The following SLC25A18 variants were observed in gnomAD, a reference collection of about 807,000 sequenced individuals.
SLC25A18 encodes solute carrier family 25 member 18.
A neutral mutation model predicts 31.1 loss-of-function variants in SLC25A18; 24 were observed. The observed-to-expected ratio is 0.77, with a 90% CI of 0.56 to 1.08. The LOEUF (loss-of-function observed/expected upper bound fraction) is 1.08. Ranked by LOEUF, SLC25A18 falls within the 50% of genes least tolerant of loss-of-function variation. SLC25A18 has a pLI of 0.00. For missense variants in SLC25A18, 371 were observed against 418.5 expected (o/e 0.89, Z 0.99); for synonymous variants, 173 against 161.9 (o/e 1.07, Z -0.52).
At chr22:17,587,734 G>A (rs544450003) in intron 8 of SLC25A18, 191 bp from the exon 9 acceptor site, 37 of 658,272 alleles carry the variant, frequency 5.6e-5, no homozygotes, top group South Asian at 1.8e-4. Flanking sequence ...CTGGGACGGC[G>A]GAACAGATGG....
intron 4 of SLC25A18, 85 bp downstream of exon 4, chr22:17,581,244 C>A (rs1007650358): frequency 6.3e-7 from 1 of 1,576,412 alleles, no homozygotes; most frequent in African/African-American, 1.3e-5. Flanking sequence ...AGGCAGCGCG[C>A]GTGAGCCTGG....
chr22:17,584,781 C>CA (rs66948770), intron 7 of SLC25A18, among the ~76,000 whole-genome samples: 6,865 of 19,874 alleles, frequency 0.35, 1,645 homozygotes, highest in Non-Finnish European at 0.44. Flanking sequence ...GAATTCATCT[C>CA]AAAAAAAAAA....
At chr22:17,573,956 A>G (rs767432882) in intron 2 of SLC25A18, among the ~76,000 whole-genome samples, 13 of 152,192 alleles carry the variant, frequency 8.5e-5, no homozygotes, top group Non-Finnish European at 1.8e-4. Context: ...AAAAGCATTC[A>G]GTGTGGCTCA....
At chr22:17,578,826 G>T (rs1448864991) in intron 2 of SLC25A18, among the ~76,000 whole-genome samples, 1 of 152,188 alleles carries the variant, frequency 6.6e-6, no homozygotes, top group East Asian at 1.9e-4. Flanking sequence ...TGTGAACCTG[G>T]GAGGCAGAGG....
intron 2 of SLC25A18, among the ~76,000 whole-genome samples, chr22:17,577,810 A>G (rs1432592012): frequency 6.7e-6 from 1 of 149,282 alleles, no homozygotes; most frequent in African/African-American, 2.5e-5. Context: ...CGAACTCCTG[A>G]CCTTGTGATC....
At chr22:17,569,047 T>C (rs2057018468) in intron 1 of SLC25A18, among the ~76,000 whole-genome samples, 2 of 149,746 alleles carry the variant, frequency 1.3e-5, no homozygotes, top group Admixed American at 6.7e-5. Flanking sequence ...GCCCAGCCTG[T>C]AGCCAGGCTG....
At chr22:17,575,149 G>A (rs942925995) in intron 2 of SLC25A18, among the ~76,000 whole-genome samples, 2 of 152,032 alleles carry the variant, frequency 1.3e-5, no homozygotes, top group Admixed American at 1.3e-4. Flanking sequence ...ACTGTGCCCC[G>A]TGCTCTCTTA....
chr22:17,589,756 G>C, intron 10 of SLC25A18, 91 bp downstream of exon 10: 4 of 1,226,358 alleles, frequency 3.3e-6, no homozygotes, highest in Non-Finnish European at 4.8e-6. Flanking sequence ...AACTTGAATT[G>C]CTGGGCTCTG....
chr22:17,587,304 G>A lies in SLC25A18; in HGVS notation c.575+3G>A. On this transcript the variant is annotated splice_donor_region_variant and intron_variant, in intron 8 of 10. Coordinates refer to ENST00000327451, the MANE Select transcript of SLC25A18 (RefSeq NM_031481.3). ...GGCCTGGGTGCCACTCTCCTCAGGT[G>A]AGCCTTTCTTCCGGTTCCCTAGGAC... The A allele has an allele frequency of 1.2e-6, 2 of 1,609,190 alleles. No homozygotes were observed. Among genetic ancestry groups the A allele is most frequent in the Non-Finnish European group, 1.7e-6 (2 of 1,178,636 alleles).
intron 1 of SLC25A18, among the ~76,000 whole-genome samples, chr22:17,568,388 T>TGAGA (rs2056995035): frequency 7.2e-6 from 1 of 139,404 alleles, no homozygotes; most frequent in Non-Finnish European, 1.5e-5. Flanking sequence ...AAAAGGCAGA[T>TGAGA]GAGAATAAAG....
At chr22:17,565,203 C>G (rs962324709) in intron 1 of SLC25A18, among the ~76,000 whole-genome samples, 1 of 152,080 alleles carries the variant, frequency 6.6e-6, no homozygotes, top group African/African-American at 2.4e-5. Context: ...GCCTCAGCCT[C>G]CCGAGTAGCT....
At chr22:17,579,307 G>A (rs547125228) in intron 2 of SLC25A18, among the ~76,000 whole-genome samples, 2 of 152,070 alleles carry the variant, frequency 1.3e-5, no homozygotes, top group East Asian at 3.9e-4. Context: ...GGCTGGTCTC[G>A]AACTCCTGAG....
intron 6 of SLC25A18, among the ~76,000 whole-genome samples, 153 bp from the exon 7 acceptor site, chr22:17,583,263 G>A (rs191507228): frequency 6.6e-6 from 1 of 152,306 alleles, no homozygotes; most frequent in African/African-American, 2.4e-5. Flanking sequence ...TCCGTACAGA[G>A]ACCACACCTA....
At chr22:17,564,183 C>T (rs921610017) in intron 1 of SLC25A18, among the ~76,000 whole-genome samples, 6 of 152,134 alleles carry the variant, frequency 3.9e-5, no homozygotes, top group African/African-American at 1.4e-4. Flanking sequence ...CCAAAGGCAG[C>T]GTAGATCTGC....
At chr22:17,574,347 A>G (rs1309265282) in intron 2 of SLC25A18, among the ~76,000 whole-genome samples, 1 of 152,214 alleles carries the variant, frequency 6.6e-6, no homozygotes, top group Non-Finnish European at 1.5e-5. Context: ...ATTCCCTTTT[A>G]GGAGGGCACA....
At chr22:17,568,005 G>A (rs913780225) in intron 1 of SLC25A18, among the ~76,000 whole-genome samples, 2 of 151,694 alleles carry the variant, frequency 1.3e-5, no homozygotes, top group Non-Finnish European at 2.9e-5. Context: ...TGGCTGGAAT[G>A]GGACTTTATA....
rs2146277580 is a variant in SLC25A18 at position 17,587,739 on chromosome 22, A to AGAT, written c.576-184_576-182dup. 4.5e-6 allele frequency: 3 copies of AGAT among 671,990 alleles called. No homozygotes were observed. In the African/African-American group the frequency reaches 5.5e-5, roughly 12 times the overall value. 41.6% of individuals were successfully genotyped at this position (671,990 alleles called of 1,614,324 possible). ...GAGGAAGGAGCTGGGACGGCGGAAC[A>AGAT]GATGGCAACAGCTCTTTTGTCCCCT... On this transcript the variant is annotated intron_variant, in intron 8 of 10. Coordinates refer to ENST00000327451, the MANE Select transcript of SLC25A18 (RefSeq NM_031481.3).
At chr22:17,581,483 TC>T in intron 5 of SLC25A18, 70 bp downstream of exon 5, 7 of 1,554,834 alleles carry the variant, frequency 4.5e-6, no homozygotes, top group Non-Finnish European at 6.2e-6. Context: ...GAACTGGTGT[TC>T]CTTCCGTTGC....
intron 1 of SLC25A18, among the ~76,000 whole-genome samples, chr22:17,568,690 T>C (rs1184211129): frequency 6.9e-6 from 1 of 144,790 alleles, no homozygotes; most frequent in Non-Finnish European, 1.5e-5. Context: ...GCCTCCCGAG[T>C]AGCTGGGACT....
Sources: allele counts gnomAD v4.1 joint callset (sites outside exome capture counted in the v4.1 genomes callset), GRCh38; gene constraint gnomAD v4.1.1; transcripts MANE v1.5; gene names NCBI Gene and HGNC (gene_info 2026-07-23, HGNC 2026-07-21).